GPC5: variants seen among roughly 807,000 people sequenced by gnomAD.
The protein encoded by GPC5 is glypican-5.
Under a neutral mutation model 53.9 loss-of-function variants are expected in GPC5, and 47 were observed. The observed-to-expected ratio is 0.87, with a 90% CI of 0.69 to 1.11. GPC5 has a LOEUF of 1.11. GPC5 is among the 50% of genes most tolerant of loss of function. The pLI is 0.00. For missense variants in GPC5, 748 were observed against 713.1 expected, an observed-to-expected ratio of 1.05 and a Z score of -0.56; for synonymous variants, 286 against 263.3, an observed-to-expected ratio of 1.09 and a Z score of -0.84.
chr13:92,394,254 TC>T (rs1303863496), intron 7 of GPC5, among the ~76,000 whole-genome samples: 1 of 152,214 alleles, frequency 6.6e-6, no homozygotes, highest in African/African-American at 2.4e-5. Flanking sequence ...CATTTGTTTT[TC>T]ATCTATACAT....
chr13:91,634,388 A>G (rs1237740285), intron 2 of GPC5, among the ~76,000 whole-genome samples: 2 of 150,886 alleles, frequency 1.3e-5, no homozygotes, highest in Non-Finnish European at 2.9e-5. Context: ...CTGAGAAAAG[A>G]TAAGATATTA....
intron 7 of GPC5, among the ~76,000 whole-genome samples, chr13:92,441,774 A>G (rs1466103110): frequency 1.3e-5 from 2 of 152,194 alleles, no homozygotes; most frequent in African/African-American, 2.4e-5. Flanking sequence ...AACAGTTTAC[A>G]GAGTCAACAC....
intron 1 of GPC5, among the ~76,000 whole-genome samples, chr13:91,399,648 A>C (rs1876776006): frequency 6.6e-6 from 1 of 152,150 alleles, no homozygotes; most frequent in Non-Finnish European, 1.5e-5. Flanking sequence ...TAAAAATCAC[A>C]AACCTGCGAT....
chr13:92,467,106 A>G (rs1377179060), intron 7 of GPC5, among the ~76,000 whole-genome samples: 2 of 152,076 alleles, frequency 1.3e-5, no homozygotes, highest in Non-Finnish European at 2.9e-5. Context: ...TTGTGATCGG[A>G]TATGTGAGCA....
At chr13:91,630,560 G>A (rs1049751701) in intron 2 of GPC5, among the ~76,000 whole-genome samples, 4 of 152,112 alleles carry the variant, frequency 2.6e-5, no homozygotes, top group Non-Finnish European at 5.9e-5. Context: ...CGCTAAAGTA[G>A]GGAGATTCAG....
At chr13:92,726,632 T>A (rs929225339) in intron 7 of GPC5, among the ~76,000 whole-genome samples, 1 of 151,630 alleles carries the variant, frequency 6.6e-6, no homozygotes. Context: ...TGCACTCACT[T>A]TCTTGATAGG....
intron 7 of GPC5, among the ~76,000 whole-genome samples, chr13:92,186,995 C>T (rs1351301071): frequency 1.3e-5 from 2 of 152,024 alleles, no homozygotes; most frequent in Non-Finnish European, 2.9e-5. Context: ...ACCTGTAATT[C>T]CAGCTGCTCA....
chr13:92,847,018 C>G (rs1878635153), intron 7 of GPC5, among the ~76,000 whole-genome samples: 1 of 152,124 alleles, frequency 6.6e-6, no homozygotes. Flanking sequence ...ATAATCATTT[C>G]TCTCTGGTCC....
At chr13:92,708,052 G>A (rs1888009610) in intron 7 of GPC5, among the ~76,000 whole-genome samples, 1 of 152,068 alleles carries the variant, frequency 6.6e-6, no homozygotes, top group Non-Finnish European at 1.5e-5. Flanking sequence ...TGGAATGAAG[G>A]CATTATCATG....
chr13:92,574,808 C>A (rs559745055), intron 7 of GPC5, among the ~76,000 whole-genome samples: 1 of 152,082 alleles, frequency 6.6e-6, no homozygotes, highest in Non-Finnish European at 1.5e-5. Flanking sequence ...TATCCCTACT[C>A]GGAAGAATGT....
At chr13:91,896,096 C>A (rs1458590059) in intron 5 of GPC5, among the ~76,000 whole-genome samples, 2 of 151,296 alleles carry the variant, frequency 1.3e-5, no homozygotes, top group Non-Finnish European at 2.9e-5. Flanking sequence ...TGGATAATCC[C>A]CCCATTTAAA....
At chr13:92,762,307 T>C (rs185730705) in intron 7 of GPC5, among the ~76,000 whole-genome samples, 61 of 152,238 alleles carry the variant, frequency 4.0e-4, no homozygotes, top group Admixed American at 1.2e-3. Context: ...AGTTTTTTTA[T>C]GTGACGGAAG....
intron 7 of GPC5, among the ~76,000 whole-genome samples, chr13:92,308,524 G>T (rs192348606): frequency 2.6e-5 from 4 of 152,122 alleles, no homozygotes; most frequent in Admixed American, 2.6e-4. Context: ...TCCAGTTGGA[G>T]AAACGAAATG....
chr13:92,704,866 A>G (rs1274329579), intron 7 of GPC5, among the ~76,000 whole-genome samples: 1 of 150,998 alleles, frequency 6.6e-6, no homozygotes, highest in Non-Finnish European at 1.5e-5. Flanking sequence ...ATATGAGTGT[A>G]TATATATATA....
At chr13:91,446,915 G>A (rs947660778) in intron 1 of GPC5, among the ~76,000 whole-genome samples, 3 of 152,234 alleles carry the variant, frequency 2.0e-5, no homozygotes, top group African/African-American at 7.2e-5. Context: ...TAGGGTAAGT[G>A]TGTCTGAGAC....
intron 2 of GPC5, among the ~76,000 whole-genome samples, chr13:91,612,581 C>A (rs528501476): frequency 6.6e-6 from 1 of 152,044 alleles, no homozygotes; most frequent in Non-Finnish European, 1.5e-5. Context: ...ACGATGTTAG[C>A]GAGTGATGAT....
At chr13:92,839,354 A>G (rs1228861603) in intron 7 of GPC5, among the ~76,000 whole-genome samples, 2 of 152,168 alleles carry the variant, frequency 1.3e-5, no homozygotes, top group Non-Finnish European at 1.5e-5. Flanking sequence ...TTACATAGGT[A>G]AACTTGTGTC....
chr13:91,614,056 G>A lies in GPC5; in HGVS notation c.326-79131G>A, dbSNP rs1566553644. Among the ~76,000 whole-genome samples the A allele has an allele frequency of 2.0e-5, 3 of 152,180 alleles. No individual in the cohort carries two copies. The South Asian group carries it at 6.2e-4, about 32-fold the overall frequency. On this transcript the variant is annotated intron_variant, in intron 2 of 7. Coordinates refer to ENST00000377067, the MANE Select transcript of GPC5 (RefSeq NM_004466.6). ...CATATGCCAATGAAAGTTTAAATAAGAGCTGAAAGAGATATGCTGGATGTA... is the reference window on the plus strand; with the variant it reads ...CATATGCCAATGAAAGTTTAAATAAAAGCTGAAAGAGATATGCTGGATGTA...
chr13:91,794,912 G>A (rs1201053787), intron 5 of GPC5, among the ~76,000 whole-genome samples: 1 of 152,160 alleles, frequency 6.6e-6, no homozygotes, highest in East Asian at 1.9e-4. Flanking sequence ...TTAAAGGTCA[G>A]CTACTGAATA....
Sources: allele counts gnomAD v4.1 joint callset (sites outside exome capture counted in the v4.1 genomes callset), GRCh38; gene constraint gnomAD v4.1.1; transcripts MANE v1.5; gene names NCBI Gene and HGNC (gene_info 2026-07-23, HGNC 2026-07-21).